The following ANKRD28 variants were observed in gnomAD, a reference collection of about 807,000 sequenced individuals.
ANKRD28 encodes the protein ankyrin repeat domain 28, also known as serine/threonine-protein phosphatase 6 regulatory ankyrin repeat subunit A.
ANKRD28 carries 44 observed loss-of-function variants against 126.5 expected under a neutral mutation model. The ratio of observed to expected loss-of-function variants is 0.35; its 90% CI spans 0.27 to 0.45. ANKRD28 has a LOEUF of 0.45. Among genes scored for constraint, ANKRD28 ranks in the 20% least tolerant of loss-of-function variants. The probability of loss-of-function intolerance (pLI) is 1.00; values close to 1 mark genes in which losing one functional copy is unlikely to be tolerated. For missense variants in ANKRD28, 1,110 were observed against 1,316.6 expected, an observed-to-expected ratio of 0.84 and a Z score of 2.43; for synonymous variants, 442 against 468.5, an observed-to-expected ratio of 0.94 and a Z score of 0.73.
At chr3:15,784,318 T>C (rs1223888455) in intron 2 of ANKRD28, among the ~76,000 whole-genome samples, 1 of 152,030 alleles carries the variant, frequency 6.6e-6, no homozygotes, top group African/African-American at 2.4e-5. Flanking sequence ...CTCACATATA[T>C]GTGCTCATGT....
intron 18 of ANKRD28, among the ~76,000 whole-genome samples, chr3:15,688,306 T>C (rs2068384955): frequency 6.6e-6 from 1 of 152,236 alleles, no homozygotes; most frequent in Non-Finnish European, 1.5e-5. Context: ...TATTTTATAT[T>C]TTAGGAACAG....
At chr3:15,692,971 C>A (rs1196901725) in intron 17 of ANKRD28, among the ~76,000 whole-genome samples, 1 of 151,976 alleles carries the variant, frequency 6.6e-6, no homozygotes, top group African/African-American at 2.4e-5. Context: ...ATGGATGAAA[C>A]CTGCTAGATG....
At position 15,809,825 on chromosome 3, in the gene ANKRD28, G is replaced by A. The variant is rs114153014; in HGVS notation, c.28-14519C>T. Reference sequence around the variant, plus strand: ...TTTTATTTAGTCAACTATTTTGTTTGAGTATGCTATACTAAAGACTTCCAG... The same window carrying A: ...TTTTATTTAGTCAACTATTTTGTTTAAGTATGCTATACTAAAGACTTCCAG... On this transcript the variant is annotated intron_variant, in intron 1 of 27. Transcript: ENST00000399451. Among the ~76,000 whole-genome samples, 856 of 152,208 alleles carry A rather than the reference G, an allele frequency of 5.6e-3. 6 individuals are homozygous for A. The highest frequency in any genetic ancestry group is 0.02 in the African/African-American group (816 of 41,544).
Position 15,696,169 on chromosome 3 carries a change from A to C in ANKRD28, c.1624T>G (p.Ser542Ala), listed in dbSNP as rs369238834. The change falls in exon 15 of 28, where the codon TCA (serine) becomes GCA (alanine). Residue 542 changes from serine to alanine, a missense_variant. Coordinates refer to ENST00000683139, the MANE Select transcript of ANKRD28 (RefSeq NM_001349278.2). ...DKQGYNAVHY[S>A]AAYGHRLCLQ... is the part of the protein sequence containing the mutation. Reference sequence around the variant, plus strand: ...CATAGACGGTGACCATAAGCAGCTGAATAATGAACTGCGTTGTATCCTTGC... The same window carrying C: ...CATAGACGGTGACCATAAGCAGCTGCATAATGAACTGCGTTGTATCCTTGC... 308 of 1,592,888 alleles carry C rather than the reference A, an allele frequency of 1.9e-4. No homozygotes were observed. The highest frequency in any genetic ancestry group is 2.5e-4 in the Non-Finnish European group (294 of 1,167,892).
chr3:15,830,969 G>T lies in ANKRD28; in HGVS notation c.27+28408C>A, dbSNP rs149986556. On this transcript the variant is annotated intron_variant, in intron 1 of 27. Transcript: ENST00000399451. This position sits in a 1 kb window ranked among gnomAD's most constrained non-coding sequence, Gnocchi z 4.5. ...GGCCTTGGTTGGCAATACTCCTTGC[G>T]TGTCACCATATATTGTTGCTGGGAA... 6.6e-6 allele frequency among the ~76,000 whole-genome samples: 1 copy of T among 152,090 alleles called. No homozygotes were observed. Among genetic ancestry groups the T allele is most frequent in the Non-Finnish European group, 1.5e-5 (1 of 68,026 alleles).
At chr3:15,850,194 A>T (rs1454370040) in intron 1 of ANKRD28, among the ~76,000 whole-genome samples, 35 of 35,926 alleles carry the variant, frequency 9.7e-4, no homozygotes, top group African/African-American at 3.1e-3. Context: ...ATGCAATAAA[A>T]AAAAAAAAAA....
intron 2 of ANKRD28, among the ~76,000 whole-genome samples, chr3:15,783,429 G>A (rs1465235442): frequency 6.6e-6 from 1 of 151,882 alleles, no homozygotes; most frequent in Non-Finnish European, 1.5e-5. Context: ...TGGTGAGAAC[G>A]TAAAATGATA....
chr3:15,746,982 C>T (rs933962764), intron 4 of ANKRD28, among the ~76,000 whole-genome samples: 3 of 151,998 alleles, frequency 2.0e-5, no homozygotes, highest in African/African-American at 4.8e-5. Flanking sequence ...AGTTTATGTG[C>T]GTAAAGGTGT....
intron 18 of ANKRD28, among the ~76,000 whole-genome samples, chr3:15,688,187 A>G (rs1423765083): frequency 6.6e-6 from 1 of 152,238 alleles, no homozygotes; most frequent in African/African-American, 2.4e-5. Context: ...TGCAAGCTTT[A>G]AATTAGTTCT....
chr3:15,800,046 T>C (rs2060431669), upstream of ANKRD28, among the ~76,000 whole-genome samples: 1 of 151,996 alleles, frequency 6.6e-6, no homozygotes, highest in Admixed American at 6.6e-5. Context: ...TTTCAGAAGT[T>C]GACAGGATAT....
intron 8 of ANKRD28, among the ~76,000 whole-genome samples, chr3:15,719,833 G>A (rs192241865): frequency 1.3e-4 from 20 of 152,144 alleles, no homozygotes; most frequent in Non-Finnish European, 2.4e-4. Context: ...GGGATTACAA[G>A]CGTGAGCCAG....
At chr3:15,756,520 G>A in intron 3 of ANKRD28, 1 of 985,390 alleles carries the variant, frequency 1.0e-6, no homozygotes, top group South Asian at 4.7e-5. Context: ...CAATGCAGCT[G>A]AAGAGAGGTC....
chr3:15,793,223 A>G (rs980454342), intron 2 of ANKRD28, among the ~76,000 whole-genome samples: 3 of 152,198 alleles, frequency 2.0e-5, no homozygotes, highest in Non-Finnish European at 4.4e-5. Flanking sequence ...TTAAAACCCC[A>G]TATGATTCCT....
chr3:15,678,803 G>A (rs2067224000), intron 23 of ANKRD28, among the ~76,000 whole-genome samples: 1 of 151,986 alleles, frequency 6.6e-6, no homozygotes, highest in African/African-American at 2.4e-5. Context: ...TTTAAAGGAG[G>A]AAAACTTCCT....
chr3:15,787,431 T>C (rs1489479394), intron 2 of ANKRD28, among the ~76,000 whole-genome samples: 1 of 152,144 alleles, frequency 6.6e-6, no homozygotes, highest in African/African-American at 2.4e-5. Context: ...CACAAAGAGC[T>C]GGAGGGAGGT....
chr3:15,807,484 C>G (rs1021597051), intron 1 of ANKRD28, among the ~76,000 whole-genome samples: 3 of 152,108 alleles, frequency 2.0e-5, no homozygotes, highest in Non-Finnish European at 4.4e-5. Context: ...CATAAGAAAA[C>G]AGAATACTTT....
rs937087721 is a variant in ANKRD28, at chr3:15,707,851, A to G, written c.1547+73T>C. The G allele has an allele frequency of 5.2e-6, 8 of 1,526,658 alleles. No homozygotes were observed. The African/African-American group carries it at 9.6e-5, about 18-fold the overall frequency. 94.6% of individuals were successfully genotyped at this position (1,526,658 alleles called of 1,614,324 possible). On this transcript the variant is annotated intron_variant, in intron 14 of 27. Transcript: ENST00000683139. ...TACAAAGAGGAAACACAAATTTGCA[A>G]CAAAAACATCCATATGGAAGATGCC...
In ANKRD28 at chr3:15,833,473, A is replaced by G. The variant is rs924601347; in HGVS notation, c.27+25904T>C. Among the ~76,000 whole-genome samples the G allele has an allele frequency of 6.7e-6, 1 of 149,018 alleles. No homozygotes were observed. Among genetic ancestry groups the G allele is most frequent in the Non-Finnish European group, 1.5e-5 (1 of 67,416 alleles). ...TGAGTTAATACTTAAACTCCCCTTC[A>G]TATATATATAATATATAAAAATATA... On this transcript the variant is annotated intron_variant, in intron 1 of 27. Transcript: ENST00000399451. The surrounding 1 kb of genome is among the most constrained non-coding windows in gnomAD (Gnocchi z 4.4).
chr3:15,784,936 C>G (rs79855544), intron 2 of ANKRD28, among the ~76,000 whole-genome samples: 13,510 of 151,948 alleles, frequency 0.089, 669 homozygotes, highest in African/African-American at 0.12. Flanking sequence ...TATAATGAAG[C>G]CTTGCTACTT....
Sources: allele counts gnomAD v4.1 joint callset (sites outside exome capture counted in the v4.1 genomes callset), GRCh38; gene constraint gnomAD v4.1.1; non-coding constraint Gnocchi (gnomAD v3.1); transcripts MANE v1.5; gene names NCBI Gene and HGNC (gene_info 2026-07-23, HGNC 2026-07-21).